Variants in SSR2 observed in about 807,000 individuals in gnomAD.
SSR2 encodes translocon-associated protein subunit beta.
A neutral mutation model predicts 22.6 loss-of-function variants in SSR2; 16 were observed. That is an observed-to-expected ratio of 0.71 (90% CI 0.48 to 1.08). The LOEUF (loss-of-function observed/expected upper bound fraction) is 1.08. Ranked by LOEUF, SSR2 falls within the 50% of genes least tolerant of loss-of-function variation. The pLI, the probability that SSR2 is intolerant of heterozygous loss-of-function variation, is 0.00. For synonymous variants in SSR2, 83 were observed against 91.2 expected (o/e 0.91, Z 0.51); for missense variants, 171 against 221.6 (o/e 0.77, Z 1.45).
chr1:156,017,207 T>A (rs1165799746), intron 3 of SSR2, among the ~76,000 whole-genome samples: 1 of 152,148 alleles, frequency 6.6e-6, no homozygotes, highest in Non-Finnish European at 1.5e-5. Flanking sequence ...CCACCGCACC[T>A]GGCTTAAATA....
intron 3 of SSR2, among the ~76,000 whole-genome samples, chr1:156,016,369 A>G (rs1390006594): frequency 6.6e-6 from 1 of 151,740 alleles, no homozygotes; most frequent in Non-Finnish European, 1.5e-5. Context: ...GAGTAGCTGG[A>G]ACTACAGGCG....
intron 2 of SSR2, chr1:156,019,313 G>A (rs919901240): frequency 4.9e-5 from 21 of 426,090 alleles, no homozygotes; most frequent in South Asian, 1.5e-4. Flanking sequence ...GAATACAGAG[G>A]AGAAAGTTAT....
At chr1:156,009,711 G>C in intron 5 of SSR2, 61 bp from the exon 6 acceptor site, 1 of 1,090,804 alleles carries the variant, frequency 9.2e-7, no homozygotes, top group South Asian at 1.5e-5. Context: ...AGAAGCCAGG[G>C]AAAATATGAG....
intron 4 of SSR2, chr1:156,012,466 A>T (rs1682991387): frequency 4.4e-6 from 2 of 452,248 alleles, no homozygotes; most frequent in Admixed American, 4.8e-5. Flanking sequence ...TTTGGAGCAC[A>T]CTGCAAACAA....
chr1:156,011,869 G>A lies in SSR2; in HGVS notation c.382C>T (p.Pro128Ser), dbSNP rs375291025. 1 of 1,613,876 alleles carries A rather than the reference G, an allele frequency of 6.2e-7. No homozygotes were observed. Among genetic ancestry groups the A allele is most frequent in the Non-Finnish European group, 8.5e-7 (1 of 1,179,842 alleles). Residue 128 changes from proline to serine, a missense_variant, in exon 5 of 6, where the codon CCT becomes TCT. Pro to Ser is a moderately conservative substitution (Grantham distance 74, BLOSUM62 -1). Coordinates refer to ENST00000295702, the MANE Select transcript of SSR2 (RefSeq NM_003145.4). The part of the protein sequence containing the change: ...GPVVIGSTSA[P>S]GQGGILAQRE... ...TGAGCCAGGATTCCTCCCTGTCCAG[G>A]TGCACTGGTAGAGCCAATCTGAAAA...
chr1:156,019,505 C>T (rs982740660), intron 2 of SSR2, among the ~76,000 whole-genome samples: 1 of 152,126 alleles, frequency 6.6e-6, no homozygotes, highest in Non-Finnish European at 1.5e-5. Context: ...TTGCCTCAGC[C>T]TCCCGAGTAG....
chr1:156,019,931 C>G (rs530189996), intron 2 of SSR2, 82 bp downstream of exon 2: 1 of 1,482,824 alleles, frequency 6.7e-7, no homozygotes, highest in East Asian at 2.3e-5. Context: ...AAACCACTAC[C>G]CACCAATATG....
At chr1:156,015,505 C>CAAAAAAAAAAAAAAAA (rs1169214264) in intron 3 of SSR2, among the ~76,000 whole-genome samples, 1 of 41,028 alleles carries the variant, frequency 2.4e-5, no homozygotes, top group Non-Finnish European at 3.6e-5. Flanking sequence ...GACTCCGCCT[C>CAAAAAAAAAAAAAAAA]AAAAAAAAAA....
chr1:156,011,652 TA>T, intron 5 of SSR2, 157 bp downstream of exon 5: 1 of 568,238 alleles, frequency 1.8e-6, no homozygotes. Context: ...TGGACATGGC[TA>T]AATCAATCTA....
At chr1:156,019,007 C>A (rs1241412551) in intron 2 of SSR2, 3 of 177,316 alleles carry the variant, frequency 1.7e-5, no homozygotes, top group African/African-American at 7.1e-5. Flanking sequence ...TGCACTCCTG[C>A]CTGGGTGACA....
Position 156,009,426 on chromosome 1 carries a change from G to C in SSR2, c.*114C>G, listed in dbSNP as rs1031556101. The C allele has an allele frequency of 1.2e-6, 1 of 841,730 alleles. No homozygotes were observed. The highest frequency in any genetic ancestry group is 2.0e-6 in the Non-Finnish European group (1 of 509,382). The allele number at this position is 841,730 out of a possible 1,614,324, so 52.1% of individuals were successfully genotyped here. ...GCAGGATCCAGGAGAAAGTGGCCAA[G>C]GGCTAAGAGAGAAGAGATTGCATTT... is the stretch of plus-strand genomic sequence containing the variant. On this transcript the variant is annotated 3_prime_UTR_variant, in exon 6 of 6. Coordinates refer to ENST00000295702, the MANE Select transcript of SSR2 (RefSeq NM_003145.4).
intron 1 of SSR2, chr1:156,020,567 C>T (rs1683134045): frequency 3.3e-6 from 1 of 303,968 alleles, no homozygotes; most frequent in African/African-American, 2.2e-5. Context: ...CTGCTCCCCT[C>T]CTCCTTGGCC....
intron 1 of SSR2, chr1:156,020,405 G>T: frequency 2.3e-6 from 1 of 443,588 alleles, no homozygotes; most frequent in Non-Finnish European, 4.2e-6. Flanking sequence ...CTTCCTGTCA[G>T]AAGCCCCGGG....
intron 3 of SSR2, among the ~76,000 whole-genome samples, chr1:156,017,664 G>A (rs1683076779): frequency 7.0e-6 from 1 of 143,102 alleles, no homozygotes; most frequent in African/African-American, 2.6e-5. Flanking sequence ...TCTTTTAAAA[G>A]CACCTTAAAT....
At chr1:156,015,943 A>G (rs1334043040) in intron 3 of SSR2, among the ~76,000 whole-genome samples, 3 of 151,806 alleles carry the variant, frequency 2.0e-5, no homozygotes, top group Non-Finnish European at 4.4e-5. Context: ...CTGAGGTCAG[A>G]AGTTCGAGAC....
chr1:156,019,649 T>C, intron 2 of SSR2, among the ~76,000 whole-genome samples: 1 of 152,262 alleles, frequency 6.6e-6, no homozygotes, highest in South Asian at 2.1e-4. Flanking sequence ...CCTCCCAAAG[T>C]GCTGAGATTA....
At chr1:156,014,940 C>T in intron 4 of SSR2, 21 bp downstream of exon 4, 1 of 1,590,918 alleles carries the variant, frequency 6.3e-7, no homozygotes, top group South Asian at 1.1e-5. Flanking sequence ...TTCCATCCAG[C>T]TAAGGGTTTG....
At chr1:156,018,205 T>C (rs1238846739) in intron 3 of SSR2, 65 bp downstream of exon 3, 1 of 1,257,344 alleles carries the variant, frequency 8.0e-7, no homozygotes, top group African/African-American at 1.5e-5. Context: ...GAAGTACCCC[T>C]GCTGCTTTGC....
At chr1:156,018,449 G>T in intron 2 of SSR2, 81 bp from the exon 3 acceptor site, 1 of 1,112,754 alleles carries the variant, frequency 9.0e-7, no homozygotes, top group Non-Finnish European at 1.3e-6. Flanking sequence ...GCTCACGCCT[G>T]TAATCCCAGC....
Sources: gnomAD v4.1 joint callset for allele counts (sites outside exome capture counted in the v4.1 genomes callset) on GRCh38, gnomAD v4.1.1 for gene constraint, MANE v1.5 for transcripts, NCBI Gene and HGNC (gene_info 2026-07-23, HGNC 2026-07-21) for gene names.